The following VDR variants were observed in gnomAD, a reference collection of about 807,000 sequenced individuals.
VDR encodes vitamin D receptor.
A neutral mutation model predicts 39.7 loss-of-function variants in VDR; 19 were observed. The ratio of observed to expected loss-of-function variants is 0.48; its 90% confidence interval spans 0.33 to 0.70. The LOEUF (loss-of-function observed/expected upper bound fraction) is 0.70, where lower values mean the gene tolerates loss of function less well. Ranked by LOEUF, VDR falls within the 30% of genes least tolerant of loss-of-function variation. VDR has a pLI of 0.02. For synonymous variants in VDR, 242 were observed against 215.8 expected (o/e 1.12, Z -1.07); for missense variants, 442 against 570.5 (o/e 0.77, Z 2.29).
chr12:47,871,904 G>A (rs746968155), intron 3 of VDR, among the ~76,000 whole-genome samples: 3 of 152,228 alleles, frequency 2.0e-5, no homozygotes, highest in Non-Finnish European at 2.9e-5. Context: ...ATGGTGACGT[G>A]TGTGCACACA....
At chr12:47,845,975 C>G (rs1945271653) in intron 9 of VDR, among the ~76,000 whole-genome samples, 3 of 152,224 alleles carry the variant, frequency 2.0e-5, no homozygotes, top group Admixed American at 1.3e-4. Context: ...AGTTTTGTAC[C>G]CTGCCCGCAA....
intron 1 of VDR, among the ~76,000 whole-genome samples, chr12:47,900,946 T>C (rs1434663961): frequency 1.3e-5 from 2 of 152,198 alleles, no homozygotes; most frequent in Admixed American, 1.3e-4. Flanking sequence ...GTCTATTCCC[T>C]GGCACAGGAC....
In VDR at chr12:47,886,957, C is replaced by T. The variant is rs75281011; in HGVS notation, c.-83-4183G>A. 1.5e-4 allele frequency among the ~76,000 whole-genome samples: 23 copies of T among 149,462 alleles called. No homozygotes were observed. The East Asian group carries it at 4.0e-3, about 26-fold the overall frequency. On this transcript the variant is annotated intron_variant, in intron 1 of 9. Coordinates refer to ENST00000549336, the MANE Select transcript of VDR (RefSeq NM_000376.3). ...TGTTAGACAAAGCTACTAGGCCATT[C>T]GCACAGGAGCTCTAGAGGAGGGCTT...
chr12:47,879,225 C>G, intron 2 of VDR, 110 bp from the exon 3 acceptor site: 1 of 1,358,262 alleles, frequency 7.4e-7, no homozygotes, highest in Non-Finnish European at 9.9e-7. Flanking sequence ...CCACCCCCCA[C>G]CACCAGGGAG....
At chr12:47,875,862 A>G (rs1945989849) in intron 3 of VDR, among the ~76,000 whole-genome samples, 1 of 152,366 alleles carries the variant, frequency 6.6e-6, no homozygotes, top group East Asian at 1.9e-4. Flanking sequence ...AGTTATTAAC[A>G]TTGATCAAAC....
intron 1 of VDR, among the ~76,000 whole-genome samples, chr12:47,883,379 T>C (rs1427573814): frequency 1.3e-5 from 2 of 152,164 alleles, no homozygotes; most frequent in Non-Finnish European, 2.9e-5. Flanking sequence ...GCGGAGCAGG[T>C]GTTGCAGGGG....
At chr12:47,903,574 T>G (rs981693670) in intron 1 of VDR, among the ~76,000 whole-genome samples, 3 of 152,174 alleles carry the variant, frequency 2.0e-5, no homozygotes, top group African/African-American at 7.2e-5. Flanking sequence ...GAATTGAGGC[T>G]CCAATGTTCA....
chr12:47,890,848 C>T (rs1017143437), intron 1 of VDR, among the ~76,000 whole-genome samples: 7 of 152,074 alleles, frequency 4.6e-5, no homozygotes, highest in African/African-American at 1.7e-4. Context: ...CTCAAGATGT[C>T]TACAGATGTG....
At chr12:47,858,256 A>C (rs939035169) in intron 4 of VDR, among the ~76,000 whole-genome samples, 2 of 152,206 alleles carry the variant, frequency 1.3e-5, no homozygotes, top group Non-Finnish European at 2.9e-5. Context: ...ATCAGGGTGA[A>C]GAGAGGATGC....
intron 7 of VDR, among the ~76,000 whole-genome samples, chr12:47,848,896 T>G (rs1252067417): frequency 6.6e-6 from 1 of 152,146 alleles, no homozygotes; most frequent in African/African-American, 2.4e-5. Flanking sequence ...TGTAAGTTAC[T>G]TGGGGGCCAG....
chr12:47,871,292 C>CTCTTTCTCTCTTTCTTTCTTTCTT (rs1555153495), intron 3 of VDR, among the ~76,000 whole-genome samples: 1 of 79,854 alleles, frequency 1.3e-5, no homozygotes, highest in Non-Finnish European at 2.5e-5. Context: ...CTTTCTCTTT[C>CTCTTTCTCTCTTTCTTTCTTTCTT]TCTTTCTTTC....
chr12:47,870,031 G>A (rs893812150), intron 3 of VDR, among the ~76,000 whole-genome samples: 24 of 152,300 alleles, frequency 1.6e-4, no homozygotes, highest in African/African-American at 5.3e-4. Context: ...TGGAGCGTGG[G>A]GTCAGTGTTC....
At chr12:47,845,762 G>A (rs571596587) in intron 9 of VDR, among the ~76,000 whole-genome samples, 26 of 152,328 alleles carry the variant, frequency 1.7e-4, no homozygotes, top group Admixed American at 3.9e-4. Flanking sequence ...CCTGGGCACA[G>A]GCCACTAGCA....
At chr12:47,849,642 T>A (rs1459638681) in intron 7 of VDR, among the ~76,000 whole-genome samples, 2 of 152,198 alleles carry the variant, frequency 1.3e-5, no homozygotes, top group Non-Finnish European at 2.9e-5. Flanking sequence ...CATCTCACCA[T>A]CCTTGTCACT....
intron 3 of VDR, among the ~76,000 whole-genome samples, chr12:47,865,456 G>A (rs1565618736): frequency 6.6e-6 from 1 of 152,280 alleles, no homozygotes; most frequent in East Asian, 1.9e-4. Flanking sequence ...TTGTAGCCCA[G>A]GCTGGAATGC....
chr12:47,873,216 TC>T (rs562755568), intron 3 of VDR, among the ~76,000 whole-genome samples: 17 of 152,000 alleles, frequency 1.1e-4, no homozygotes, highest in Non-Finnish European at 2.2e-4. Context: ...GTGTGGCGCT[TC>T]CCCCTTCACT....
At chr12:47,853,446 T>TA (rs60854792) in intron 7 of VDR, among the ~76,000 whole-genome samples, 13,873 of 112,590 alleles carry the variant, frequency 0.12, 1,402 homozygotes, top group African/African-American at 0.3. Flanking sequence ...CTGCCTCAAT[T>TA]AAAAAAAAAA....
chr12:47,867,470 G>A (rs983376088), intron 3 of VDR, among the ~76,000 whole-genome samples: 6 of 152,010 alleles, frequency 3.9e-5, no homozygotes, highest in African/African-American at 1.2e-4. Context: ...TTCCTAATTC[G>A]AACATTCTCT....
At chr12:47,871,330 C>CTTTCTT (rs1555153533) in intron 3 of VDR, among the ~76,000 whole-genome samples, 1 of 144,690 alleles carries the variant, frequency 6.9e-6, no homozygotes, top group Non-Finnish European at 1.5e-5. Flanking sequence ...TTCTTTCTTT[C>CTTTCTT]TTTCTTTCTT....
Sources: allele counts gnomAD v4.1 joint callset (sites outside exome capture counted in the v4.1 genomes callset), GRCh38; gene constraint gnomAD v4.1.1; transcripts MANE v1.5; gene names NCBI Gene and HGNC (gene_info 2026-07-23, HGNC 2026-07-21).